KCNMA1: variants seen among roughly 807,000 people sequenced by gnomAD.
KCNMA1 encodes Calcium-activated potassium channel subunit alpha-1.
A neutral mutation model predicts 140.0 loss-of-function variants in KCNMA1; 29 were observed. That is an observed-to-expected ratio of 0.21 (90% confidence interval 0.15 to 0.28). KCNMA1 has a LOEUF of 0.28. Among genes scored for constraint, KCNMA1 ranks in the 10% least tolerant of loss-of-function variants. The pLI, the probability that KCNMA1 is intolerant of heterozygous loss-of-function variation, is 1.00. For synonymous variants in KCNMA1, 612 were observed against 611.9 expected (o/e 1.00, Z 0.00); for missense variants, 880 against 1,602.2 (o/e 0.55, Z 7.70).
At chr10:77,633,441 C>T (rs763670762) in intron 1 of KCNMA1, among the ~76,000 whole-genome samples, 30 of 152,246 alleles carry the variant, frequency 2.0e-4, no homozygotes, top group Admixed American at 8.5e-4. Context: ...CAAGGCCACC[C>T]CAAGTGATCT....
chr10:77,389,099 C>T (rs2095717385), intron 2 of KCNMA1, among the ~76,000 whole-genome samples: 1 of 152,216 alleles, frequency 6.6e-6, no homozygotes, highest in South Asian at 2.1e-4. Flanking sequence ...CATTGAGGGT[C>T]TGTTGCCCCT....
intron 10 of KCNMA1, among the ~76,000 whole-genome samples, chr10:77,089,599 A>G (rs987153713): frequency 6.6e-6 from 1 of 152,322 alleles, no homozygotes; most frequent in South Asian, 2.1e-4. Flanking sequence ...TCCTAAGTGG[A>G]TTATACAACC....
intron 16 of KCNMA1, among the ~76,000 whole-genome samples, chr10:77,023,283 T>C (rs960065633): frequency 3.9e-5 from 6 of 152,188 alleles, no homozygotes; most frequent in Non-Finnish European, 7.4e-5. Flanking sequence ...CAACCTATGA[T>C]TCGTAATTCA....
intron 1 of KCNMA1, among the ~76,000 whole-genome samples, chr10:77,609,601 C>CA (rs1200516841): frequency 2.0e-5 from 3 of 152,022 alleles, no homozygotes; most frequent in East Asian, 1.9e-4. Context: ...GTTCTCACCA[C>CA]AAAAAATAGG....
intron 10 of KCNMA1, among the ~76,000 whole-genome samples, chr10:77,089,700 T>C (rs918292051): frequency 4.6e-5 from 7 of 152,176 alleles, no homozygotes; most frequent in Non-Finnish European, 8.8e-5. Flanking sequence ...TATGGATTAA[T>C]TCATTTCATT....
At chr10:77,451,890 T>G (rs1298754354) in intron 1 of KCNMA1, among the ~76,000 whole-genome samples, 2 of 152,136 alleles carry the variant, frequency 1.3e-5, no homozygotes, top group African/African-American at 4.8e-5. Flanking sequence ...GTATAAGACT[T>G]TCACCACAGG....
At chr10:77,571,032 T>G (rs2247697) in intron 1 of KCNMA1, among the ~76,000 whole-genome samples, 1 of 152,052 alleles carries the variant, frequency 6.6e-6, no homozygotes, top group South Asian at 2.1e-4. Flanking sequence ...TTGCTGAAGA[T>G]CTTCAGTTTC....
intron 1 of KCNMA1, among the ~76,000 whole-genome samples, chr10:77,608,940 A>G (rs2085617727): frequency 6.7e-6 from 1 of 148,392 alleles, no homozygotes; most frequent in African/African-American, 2.5e-5. Context: ...AGAGAGAGAG[A>G]GAGCAAGTGC....
At chr10:77,320,298 G>A (rs1207196731) in intron 2 of KCNMA1, among the ~76,000 whole-genome samples, 1 of 152,216 alleles carries the variant, frequency 6.6e-6, no homozygotes, top group Non-Finnish European at 1.5e-5. Flanking sequence ...TGGAGACACA[G>A]GAAATAGTAG....
At chr10:77,247,330 T>C (rs1037887153) in intron 3 of KCNMA1, among the ~76,000 whole-genome samples, 3 of 152,200 alleles carry the variant, frequency 2.0e-5, no homozygotes, top group Non-Finnish European at 2.9e-5. Context: ...TGCTGCATTA[T>C]GCAATCCATG....
In KCNMA1 at chr10:77,238,720, C is replaced by T. The variant is rs570445620; in HGVS notation, c.602+12475G>A. On this transcript the variant is annotated intron_variant, in intron 3 of 27. Coordinates refer to ENST00000286628, the MANE Select transcript of KCNMA1 (RefSeq NM_001161352.2). ...AACCTTCGGGTTTGAAGATGGCCCT[C>T]TGGCAGTCACCTGATCTTCATGGCA... Among the ~76,000 whole-genome samples, 3 of 152,348 alleles carry T rather than the reference C, an allele frequency of 2.0e-5. 1 individual carries two copies. The South Asian group carries it at 6.2e-4, about 32-fold the overall frequency.
chr10:77,471,923 T>C (rs2098165983), intron 1 of KCNMA1, among the ~76,000 whole-genome samples: 1 of 148,162 alleles, frequency 6.7e-6, no homozygotes, highest in African/African-American at 2.5e-5. Context: ...ACACACACCA[T>C]ATATATATAC....
intron 25 of KCNMA1, among the ~76,000 whole-genome samples, chr10:76,907,390 GGCTACCATAT>G (rs2048231034): frequency 6.6e-6 from 1 of 152,134 alleles, no homozygotes; most frequent in Non-Finnish European, 1.5e-5. Context: ...TCCACCCTGT[GGCTACCATAT>G]GCCCCTTTGG....
At chr10:77,507,234 T>A (rs911137835) in intron 1 of KCNMA1, among the ~76,000 whole-genome samples, 2 of 152,220 alleles carry the variant, frequency 1.3e-5, no homozygotes, top group Non-Finnish European at 1.5e-5. Flanking sequence ...TGAGGACTCT[T>A]GCAACTTCGT....
At chr10:77,512,964 T>C (rs780452346) in intron 1 of KCNMA1, among the ~76,000 whole-genome samples, 1 of 152,188 alleles carries the variant, frequency 6.6e-6, no homozygotes, top group Non-Finnish European at 1.5e-5. Context: ...CTGGCCTTAC[T>C]GTTACAAGAG....
At chr10:77,281,513 T>C (rs2068584462) in intron 2 of KCNMA1, among the ~76,000 whole-genome samples, 1 of 152,138 alleles carries the variant, frequency 6.6e-6, no homozygotes, top group Non-Finnish European at 1.5e-5. Context: ...AGAGAACAGC[T>C]GCTGCTAAGC....
chr10:77,395,871 C>G (rs1361490216), intron 2 of KCNMA1, among the ~76,000 whole-genome samples: 1 of 152,198 alleles, frequency 6.6e-6, no homozygotes, highest in East Asian at 1.9e-4. Context: ...CATGTTTTCT[C>G]ATCTGGGTAA....
At chr10:77,382,994 GTATATATATATATATATA>G (rs544257955) in intron 2 of KCNMA1, among the ~76,000 whole-genome samples, 18 of 46,436 alleles carry the variant, frequency 3.9e-4, no homozygotes, top group African/African-American at 1.5e-3. Flanking sequence ...GTGTGTGTGT[GTATATATATATATATATA>G]TATATATATA....
chr10:76,960,659 T>C (rs959313560), intron 20 of KCNMA1, among the ~76,000 whole-genome samples: 16 of 144,652 alleles, frequency 1.1e-4, no homozygotes, highest in African/African-American at 4.2e-4. Context: ...AAATTGAAGG[T>C]TTATTTTTCC....
Sources: allele counts gnomAD v4.1 joint callset (sites outside exome capture counted in the v4.1 genomes callset), GRCh38; gene constraint gnomAD v4.1.1; transcripts MANE v1.5; gene names NCBI Gene and HGNC (gene_info 2026-07-23, HGNC 2026-07-21).